RUFY1: variants seen among roughly 807,000 people sequenced by gnomAD.
The protein encoded by RUFY1 is RUN and FYVE domain containing 1, also known as RUN and FYVE domain-containing protein 1.
Under a neutral mutation model 94.6 loss-of-function variants are expected in RUFY1, and 54 were observed. That is an observed-to-expected ratio of 0.57 (90% CI 0.46 to 0.72). The LOEUF (loss-of-function observed/expected upper bound fraction) is 0.72. Among genes scored for constraint, RUFY1 ranks in the 30% least tolerant of loss-of-function variants. RUFY1 has a pLI of 0.00. For missense variants in RUFY1, 883 were observed against 883.9 expected (o/e 1.00, Z 0.01); for synonymous variants, 396 against 347.3 (o/e 1.14, Z -1.56).
chr5:179,589,682 C>T, intron 9 of RUFY1, 35 bp downstream of exon 9: 1 of 1,415,116 alleles, frequency 7.1e-7, no homozygotes, highest in Non-Finnish European at 1.0e-6. Flanking sequence ...CAGCATGTTT[C>T]TCACTCAGAC....
intron 6 of RUFY1, among the ~76,000 whole-genome samples, chr5:179,577,377 C>T (rs1329736260): frequency 6.6e-6 from 1 of 151,238 alleles, no homozygotes; most frequent in African/African-American, 2.4e-5. Context: ...CCATATTGGC[C>T]AGGCTGATCT....
Position 179,609,922 on chromosome 5 carries a change from T to C in RUFY1, c.*403T>C, listed in dbSNP as rs1767561361. The stretch of plus-strand genomic sequence containing the variant: ...GTTTGACACACATGGAGTCTGCCAG[T>C]GTGCCTTCTCTGCTTCAGACAAGAG... On this transcript the variant is annotated 3_prime_UTR_variant, in exon 18 of 18. Transcript: ENST00000319449. 6.2e-6 allele frequency: 1 copy of C among 161,242 alleles called. No individual in the cohort carries two copies. Among genetic ancestry groups the C allele is most frequent in the Non-Finnish European group, 1.4e-5 (1 of 73,964 alleles). 10.0% of individuals were successfully genotyped at this position (161,242 alleles called of 1,614,324 possible).
intron 14 of RUFY1, 86 bp from the exon 15 acceptor site, chr5:179,601,806 A>G: frequency 9.7e-7 from 1 of 1,031,670 alleles, no homozygotes; most frequent in South Asian, 1.4e-5. Flanking sequence ...CAACAGAGCA[A>G]GACCCTGTCT....
intron 11 of RUFY1, among the ~76,000 whole-genome samples, chr5:179,594,286 C>T (rs1248897836): frequency 6.7e-6 from 1 of 149,202 alleles, no homozygotes; most frequent in Admixed American, 6.7e-5. Context: ...GGCAACAGAG[C>T]GCAACTCCAA....
rs1554118967 is a variant in RUFY1, at chr5:179,580,246, T to TATATATA, written c.891-701_891-700insATATATA. Among the ~76,000 whole-genome samples, 415 of 104,206 alleles carry TATATATA rather than the reference T, an allele frequency of 4.0e-3. 4 individuals carry two copies. The highest frequency in any genetic ancestry group is 7.6e-3 in the African/African-American group (260 of 34,306). The allele number at this position is 104,206 out of a possible 152,430, so 68.4% of individuals were successfully genotyped here. A position where few individuals can be genotyped will look rare whatever the true frequency, so the allele number is the denominator to read the frequency against. ...GTGTGTGTGTGTGTGTGTGTGTATA[T>TATATATA]TTTTTTTTTTTTTTGAGACGGAGTC... On this transcript the variant is annotated intron_variant, in intron 6 of 17. Coordinates refer to ENST00000319449, the MANE Select transcript of RUFY1 (RefSeq NM_025158.5).
Position 179,550,645 on chromosome 5 carries a change from C to CCCGGGT in RUFY1, c.78_83dup (p.Gly27_Ser28dup). ...GCCGGAGCTGGAGCCGGGGCCGGGGCCCGGGTCAGCGCTTGAGCCGGGAGA... is the reference window on the plus strand; with the variant it reads ...GCCGGAGCTGGAGCCGGGGCCGGGGCCCGGGTCCGGGTCAGCGCTTGAGCCGGGAGA... On this transcript the variant is annotated inframe_insertion, in exon 1 of 18. Coordinates refer to ENST00000319449, the MANE Select transcript of RUFY1 (RefSeq NM_025158.5). The CCCGGGT allele has an allele frequency of 2.1e-6, 3 of 1,423,152 alleles. No individual in the cohort carries two copies. Among genetic ancestry groups the CCCGGGT allele is most frequent in the Non-Finnish European group, 2.7e-6 (3 of 1,097,492 alleles). 88.2% of individuals were successfully genotyped at this position (1,423,152 alleles called of 1,614,324 possible).
intron 17 of RUFY1, 62 bp from the exon 18 acceptor site, chr5:179,609,314 G>C: frequency 3.8e-6 from 6 of 1,566,394 alleles, no homozygotes; most frequent in Non-Finnish European, 5.2e-6. Flanking sequence ...TCAGGAAGCA[G>C]GGAGGGTGTG....
chr5:179,569,121 A>T, intron 4 of RUFY1, 181 bp from the exon 5 acceptor site: 1 of 955,114 alleles, frequency 1.0e-6, no homozygotes, highest in Non-Finnish European at 1.2e-6. Context: ...ACAGGAAGAG[A>T]GGAGAGGACG....
intron 10 of RUFY1, 28 bp downstream of exon 10, chr5:179,591,769 G>T (rs1316217802): frequency 7.6e-7 from 1 of 1,312,244 alleles, no homozygotes; most frequent in Admixed American, 2.0e-5. Flanking sequence ...AGTGTCTTTA[G>T]AAAGAGTTTC....
At chr5:179,598,475 G>A in intron 13 of RUFY1, 1 of 595,350 alleles carries the variant, frequency 1.7e-6, no homozygotes, top group Admixed American at 3.0e-5. Context: ...CCCTGCGTAA[G>A]TGTCAAGTGT....
At chr5:179,571,730 C>T (rs1763239441) in intron 5 of RUFY1, among the ~76,000 whole-genome samples, 1 of 152,160 alleles carries the variant, frequency 6.6e-6, no homozygotes, top group South Asian at 2.1e-4. Flanking sequence ...TGAGCATTCT[C>T]AGTCTTTTTC....
chr5:179,583,788 C>T lies in RUFY1; in HGVS notation c.957-2008C>T, dbSNP rs113076126. Reference sequence around the variant, plus strand: ...TTTTTGAGACAGAGTCCTGCTCTGTCGCCCAGGCTGGAGTGCAGTGGCATG... The same window carrying T: ...TTTTTGAGACAGAGTCCTGCTCTGTTGCCCAGGCTGGAGTGCAGTGGCATG... On this transcript the variant is annotated intron_variant, in intron 7 of 17. Transcript: ENST00000319449. Among the ~76,000 whole-genome samples the T allele has an allele frequency of 1.1e-4, 17 of 151,010 alleles. No homozygotes were observed. In the East Asian group the frequency reaches 2.4e-3, roughly 21 times the overall value.
At chr5:179,580,245 ATTTTT>A (rs1284315225) in intron 6 of RUFY1, among the ~76,000 whole-genome samples, 13 of 81,682 alleles carry the variant, frequency 1.6e-4, no homozygotes, top group Admixed American at 1.5e-3. Flanking sequence ...GTGTGTGTAT[ATTTTT>A]TTTTTTTTTT....
rs2127499047 is a variant in RUFY1 at position 179,550,837 on chromosome 5, G to A, written c.268G>A (p.Gly90Arg). ...SCGSALRAAA[G>R]LGGGDSGDGT... ...CGGGAGCGCGCTGCGCGCGGCCGCG[G>A]GGCTGGGCGGCGGGGACAGCGGGGA... Residue 90 changes from glycine to arginine, a missense_variant, in exon 1 of 18, where the codon GGG (glycine) becomes AGG (arginine). Coordinates refer to ENST00000319449, the MANE Select transcript of RUFY1 (RefSeq NM_025158.5). The A allele has an allele frequency of 8.1e-7, 1 of 1,231,030 alleles. No homozygotes were observed. The allele number at this position is 1,231,030 out of a possible 1,614,324, so 76.3% of individuals were successfully genotyped here.
chr5:179,552,664 C>A (rs1394759229), intron 1 of RUFY1, among the ~76,000 whole-genome samples: 1 of 152,134 alleles, frequency 6.6e-6, no homozygotes, highest in Non-Finnish European at 1.5e-5. Context: ...TCCTGGAGGC[C>A]TCTTAGATAT....
At chr5:179,587,599 A>C (rs1581505411) in intron 8 of RUFY1, among the ~76,000 whole-genome samples, 10 of 126,076 alleles carry the variant, frequency 7.9e-5, no homozygotes, top group African/African-American at 1.5e-4. Flanking sequence ...ATGGCATTTC[A>C]CCATGTTAGC....
intron 3 of RUFY1, among the ~76,000 whole-genome samples, chr5:179,563,802 G>C (rs1436122502): frequency 6.6e-6 from 1 of 152,084 alleles, no homozygotes; most frequent in African/African-American, 2.4e-5. Flanking sequence ...CTCCTGAGTA[G>C]CTGGGATTAC....
At position 179,594,978 on chromosome 5, in the gene RUFY1, C is replaced by T. The variant is rs762483700; in HGVS notation, c.1511+15C>T. 90 of 1,548,598 alleles carry T rather than the reference C, an allele frequency of 5.8e-5. No homozygotes were observed. Among genetic ancestry groups the T allele is most frequent in the Non-Finnish European group, 7.5e-5 (84 of 1,121,628 alleles). On this transcript the variant is annotated intron_variant, in intron 12 of 17. Coordinates refer to ENST00000319449, the MANE Select transcript of RUFY1 (RefSeq NM_025158.5). ...ATGGAAGAAAGGTAATCACTTCCCC[C>T]TGGCAGATATTCTCGGGAAGGCTCT...
At chr5:179,595,786 G>A (rs1422060884) in intron 12 of RUFY1, 1 of 152,132 alleles carries the variant, frequency 6.6e-6, no homozygotes. Flanking sequence ...CCGACCTCAG[G>A]TGATCTGCCC....
Sources: allele counts gnomAD v4.1 joint callset (sites outside exome capture counted in the v4.1 genomes callset), GRCh38; gene constraint gnomAD v4.1.1; transcripts MANE v1.5; gene names NCBI Gene and HGNC (gene_info 2026-07-23, HGNC 2026-07-21).